PIK3C2G: variants seen among roughly 807,000 people sequenced by gnomAD.
The protein encoded by PIK3C2G is phosphatidylinositol-4-phosphate 3-kinase catalytic subunit type 2 gamma.
PIK3C2G carries 168 observed loss-of-function variants against 181.1 expected under a neutral mutation model. The observed-to-expected ratio is 0.93, with a 90% confidence interval of 0.82 to 1.05. The LOEUF (loss-of-function observed/expected upper bound fraction) is 1.05, where lower values mean the gene tolerates loss of function less well. Ranked by LOEUF, PIK3C2G falls within the 50% of genes least tolerant of loss-of-function variation. PIK3C2G has a pLI of 0.00. For synonymous variants in PIK3C2G, 573 were observed against 592.2 expected (o/e 0.97, Z 0.47); for missense variants, 1,869 against 1,732.8 (o/e 1.08, Z -1.40).
intron 24 of PIK3C2G, among the ~76,000 whole-genome samples, chr12:18,529,358 T>A (rs909438526): frequency 1.4e-4 from 21 of 152,122 alleles, no homozygotes; most frequent in Middle Eastern, 3.4e-3. Context: ...CTTACTTTTT[T>A]AAAAAAAATC....
At chr12:18,269,335 T>G (rs1948646763) in intron 1 of PIK3C2G, among the ~76,000 whole-genome samples, 1 of 152,172 alleles carries the variant, frequency 6.6e-6, no homozygotes, top group South Asian at 2.1e-4. Context: ...ATAATTTTTT[T>G]TTTGGTGAAG....
intron 12 of PIK3C2G, among the ~76,000 whole-genome samples, chr12:18,370,399 G>T (rs754477651): frequency 1.3e-4 from 20 of 152,028 alleles, no homozygotes; most frequent in Admixed American, 2.6e-4. Context: ...ATCTGAGCTC[G>T]GAGAGTCTTG....
At chr12:18,295,134 A>G (rs1405155730) in intron 5 of PIK3C2G, among the ~76,000 whole-genome samples, 2 of 150,354 alleles carry the variant, frequency 1.3e-5, no homozygotes, top group East Asian at 1.9e-4. Context: ...ATAATTATAC[A>G]TAAACAAAAT....
chr12:18,320,926 C>G (rs1482657761), intron 6 of PIK3C2G, 36 bp from the exon 7 acceptor site: 4 of 1,161,282 alleles, frequency 3.4e-6, no homozygotes, highest in Non-Finnish European at 5.1e-6. Context: ...CATTCCTATT[C>G]ACTCAATAAA....
At chr12:18,701,565 T>C in the PIK3C2G span, 1 of 1,613,976 alleles carries the variant, frequency 6.2e-7, no homozygotes. Flanking sequence ...GTCTTGATTG[T>C]CTCCTAAAAC....
At chr12:18,341,658 AC>A (rs757588518) in intron 9 of PIK3C2G, among the ~76,000 whole-genome samples, 1 of 152,146 alleles carries the variant, frequency 6.6e-6, no homozygotes, top group Non-Finnish European at 1.5e-5. Context: ...ATGTGAGCCC[AC>A]CTATGTAAGA....
At chr12:18,362,162 C>A (rs540234825) in intron 11 of PIK3C2G, among the ~76,000 whole-genome samples, 1 of 152,178 alleles carries the variant, frequency 6.6e-6, no homozygotes, top group South Asian at 2.1e-4. Flanking sequence ...AAAAATCATT[C>A]TATGCTGAGT....
rs1319796639 is a variant in PIK3C2G at position 18,346,647 on chromosome 12, T to G, written c.1436T>G (p.Ile479Arg). The G allele has an allele frequency of 1.3e-6, 2 of 1,595,444 alleles. No individual in the cohort carries two copies. Among genetic ancestry groups the G allele is most frequent in the Admixed American group, 1.7e-5 (1 of 58,436 alleles). The change falls in exon 11 of 33, where the codon ATA (isoleucine) becomes AGA (arginine). Residue 479 changes from isoleucine (I) to arginine (R), a missense_variant. Transcript: ENST00000538779. ...QSSETSAKGL[I>R]EKVTTELSTS... ...TCTATCTCTTCCTTTCTAGGCTTGA[T>G]AGAGAAGGTAACAACTGAACTATCC...
intron 18 of PIK3C2G, among the ~76,000 whole-genome samples, chr12:18,471,906 T>C (rs1461755104): frequency 2.0e-5 from 3 of 152,126 alleles, no homozygotes; most frequent in Non-Finnish European, 4.4e-5. Flanking sequence ...ACTTTGGATA[T>C]TAATTAATAA....
At position 18,488,544 on chromosome 12, in the gene PIK3C2G, AT is replaced by A; in HGVS notation, c.2601del (p.Asp867GlufsTer32). 1 of 1,593,778 alleles carries A rather than the reference AT, an allele frequency of 6.3e-7. No homozygotes were observed. Among genetic ancestry groups the A allele is most frequent in the Non-Finnish European group, 8.5e-7 (1 of 1,169,656 alleles). On this transcript the variant is annotated frameshift_variant, in exon 19 of 33. Transcript: ENST00000538779. LOFTEE classifies it high-confidence loss of function. The stretch of plus-strand genomic sequence containing the variant: ...TTCTGTGCAGGTAAAGCCTTGAATG[AT>A]GAGTTTTCCAAGGAGCAGAAACTTA... The part of the protein sequence containing the change: ...LQFCAGKALN[D>X]EFSKEQKLIK...
chr12:18,436,971 C>T (rs1356826487), intron 18 of PIK3C2G, among the ~76,000 whole-genome samples: 1 of 151,908 alleles, frequency 6.6e-6, no homozygotes, highest in African/African-American at 2.4e-5. Context: ...TGTTAAGCAA[C>T]CACTTACCAT....
intron 24 of PIK3C2G, among the ~76,000 whole-genome samples, chr12:18,520,780 T>C (rs547433643): frequency 6.6e-6 from 1 of 152,236 alleles, no homozygotes; most frequent in South Asian, 2.1e-4. Context: ...TGCAGTCAGT[T>C]GTAGGAGATG....
At chr12:18,530,685 T>C (rs972523046) in intron 24 of PIK3C2G, among the ~76,000 whole-genome samples, 14 of 152,136 alleles carry the variant, frequency 9.2e-5, no homozygotes, top group Middle Eastern at 3.2e-3. Flanking sequence ...GATTAGATCA[T>C]GGGGGTGGAT....
chr12:18,609,585 G>T lies in PIK3C2G; in HGVS notation c.4138G>T (p.Glu1380Ter). 4 of 1,588,094 alleles carry T rather than the reference G, an allele frequency of 2.5e-6. No homozygotes were observed. The highest frequency in any genetic ancestry group is 3.4e-6 in the Non-Finnish European group (4 of 1,165,554). Residue 1380 changes from glutamate to a stop codon, truncating the protein, a stop_gained, in exon 31 of 33, where the codon GAG (glutamate) becomes TAG (stop). Transcript: ENST00000538779. LOFTEE classifies it high-confidence loss of function. ...TAAGGTGCAGTTAGTCATATCCTACGAGGATGTGAAGCTGACCATACTAGT... is the reference window on the plus strand; with the variant it reads ...TAAGGTGCAGTTAGTCATATCCTACTAGGATGTGAAGCTGACCATACTAGT... ...KPKVQLVISY[E>*]DVKLTILVKH...
At chr12:18,248,432 G>A (rs1948063240) in intron 1 of PIK3C2G, among the ~76,000 whole-genome samples, 1 of 151,938 alleles carries the variant, frequency 6.6e-6, no homozygotes, top group African/African-American at 2.4e-5. Flanking sequence ...AAAATTAGCC[G>A]GCGAGGTGGC....
At chr12:18,701,317 G>A in the PIK3C2G span, among the ~76,000 whole-genome samples, 86 of 152,138 alleles carry the variant, frequency 5.7e-4, no homozygotes, top group African/African-American at 2.0e-3. Context: ...GCTAACATAA[G>A]AAAAGAGGCA....
intron 7 of PIK3C2G, 95 bp downstream of exon 7, chr12:18,321,127 T>C: frequency 2.9e-6 from 2 of 691,390 alleles, no homozygotes; most frequent in South Asian, 3.6e-5. Flanking sequence ...AAACTGTCCA[T>C]TCACTGGGAC....
chr12:18,488,527 A>G lies in PIK3C2G; in HGVS notation c.2583A>G (p.Ala861=). The change falls in exon 19 of 33, where the codon GCA becomes GCG. Residue 861 remains alanine (A), a synonymous_variant. Transcript: ENST00000538779. ...QKLLAALQFC[A]GKALNDEFSK... ...TACTAGCTGCTCTCCAATTCTGTGC[A>G]GGTAAAGCCTTGAATGATGAGTTTT... 6.3e-7 allele frequency: 1 copy of G among 1,591,004 alleles called. No individual in the cohort carries two copies.
At chr12:18,317,011 CTTT>C (rs756099726) in intron 6 of PIK3C2G, among the ~76,000 whole-genome samples, 4 of 117,206 alleles carry the variant, frequency 3.4e-5, no homozygotes, top group Admixed American at 8.8e-5. Flanking sequence ...AGTCTTGATT[CTTT>C]TTTTTTTTTT....
Sources: allele counts gnomAD v4.1 joint callset (sites outside exome capture counted in the v4.1 genomes callset), GRCh38; gene constraint gnomAD v4.1.1; transcripts MANE v1.5; gene names NCBI Gene and HGNC (gene_info 2026-07-23, HGNC 2026-07-21).